The following SV2B variants were observed in gnomAD, a reference collection of about 807,000 sequenced individuals.
The protein encoded by SV2B is synaptic vesicle glycoprotein 2B.
Under a neutral mutation model 73.9 loss-of-function variants are expected in SV2B, and 41 were observed. The observed-to-expected ratio is 0.56, with a 90% confidence interval of 0.43 to 0.72. The LOEUF is 0.72. Among genes scored for constraint, SV2B ranks in the 30% least tolerant of loss-of-function variants. The pLI is 0.00. For missense variants in SV2B, 764 were observed against 857.8 expected (o/e 0.89, Z 1.37); for synonymous variants, 314 against 314.2 (o/e 1.00, Z 0.01).
Position 91,232,142 on chromosome 15 carries a change from T to A in SV2B, c.451+5428T>A, listed in dbSNP as rs2046600871. The stretch of plus-strand genomic sequence containing the variant: ...AGCCACTCTGTGTCTCAGAAGGGGG[T>A]GGCATGGAGGGGGGTCACTTCTGTG... On this transcript the variant is annotated intron_variant, in intron 2 of 12. Coordinates refer to ENST00000394232, the MANE Select transcript of SV2B (RefSeq NM_001323032.3). The surrounding 1 kb of genome is among the most constrained non-coding windows in gnomAD (Gnocchi z 4.7). 2.0e-5 allele frequency among the ~76,000 whole-genome samples: 3 copies of A among 152,032 alleles called. No homozygotes were observed. In the South Asian group the frequency reaches 6.2e-4, roughly 32 times the overall value.
In SV2B at chr15:91,296,160, C is replaced by T. The variant is rs933981931; in HGVS notation, c.*3608C>T. The T allele has an allele frequency of 6.6e-6, 1 of 151,950 alleles. No homozygotes were observed. Among genetic ancestry groups the T allele is most frequent in the African/African-American group, 2.4e-5 (1 of 41,330 alleles). 9.4% of individuals were successfully genotyped at this position (151,950 alleles called of 1,614,324 possible). A position where few individuals can be genotyped will look rare whatever the true frequency, so the allele number is the denominator to read the frequency against. On this transcript the variant is annotated 3_prime_UTR_variant, in exon 13 of 13. Coordinates refer to ENST00000394232, the MANE Select transcript of SV2B (RefSeq NM_001323032.3). ...CTAATCAGTTTTACAGAAAGGGTTACATGGAAGAAGAGATAGGGGCCAGGA... is the reference window on the plus strand; with the variant it reads ...CTAATCAGTTTTACAGAAAGGGTTATATGGAAGAAGAGATAGGGGCCAGGA...
In SV2B at chr15:91,252,764, C is replaced by A. The variant is rs981561833; in HGVS notation, c.784+244C>A. On this transcript the variant is annotated intron_variant, in intron 4 of 12. Transcript: ENST00000394232. The surrounding 1 kb of genome is among the most constrained non-coding windows in gnomAD (Gnocchi z 4.6). ...CTTCCCTTCCTTCATTCTTCCCTTT[C>A]TCCTTCCCTCTCTCCCTTTCTTGTT... is the stretch of plus-strand genomic sequence containing the variant. 6.6e-5 allele frequency among the ~76,000 whole-genome samples: 10 copies of A among 152,002 alleles called. No individual in the cohort carries two copies. Among genetic ancestry groups the A allele is most frequent in the African/African-American group, 2.4e-4 (10 of 41,360 alleles).
intron 1 of SV2B, among the ~76,000 whole-genome samples, chr15:91,182,749 A>G (rs959783504): frequency 9.2e-5 from 14 of 152,232 alleles, no homozygotes; most frequent in Non-Finnish European, 1.6e-4. Context: ...TAGGAACCTC[A>G]TCGAAATTTT....
At chr15:91,255,009 T>A (rs1274992870) in intron 4 of SV2B, among the ~76,000 whole-genome samples, 2 of 152,134 alleles carry the variant, frequency 1.3e-5, no homozygotes, top group Admixed American at 6.5e-5. Flanking sequence ...AGGGTTTAGA[T>A]CCACTTCCTT....
At chr15:91,149,201 G>C (rs1386297308) in intron 1 of SV2B, among the ~76,000 whole-genome samples, 2 of 152,196 alleles carry the variant, frequency 1.3e-5, no homozygotes, top group Non-Finnish European at 2.9e-5. Flanking sequence ...TCACGACCTG[G>C]CAGATGGGCT....
intron 1 of SV2B, among the ~76,000 whole-genome samples, chr15:91,203,115 G>A (rs2045517803): frequency 6.6e-6 from 1 of 152,210 alleles, no homozygotes. Context: ...AGTGAGTCTA[G>A]TGCCCATTGA....
intron 2 of SV2B, among the ~76,000 whole-genome samples, chr15:91,244,543 C>G (rs946042228): frequency 6.6e-6 from 1 of 152,200 alleles, no homozygotes; most frequent in African/African-American, 2.4e-5. Flanking sequence ...TCCAAGCGTC[C>G]AGATGCCACA....
At chr15:91,149,921 G>C (rs930402554) in intron 1 of SV2B, among the ~76,000 whole-genome samples, 1 of 152,212 alleles carries the variant, frequency 6.6e-6, no homozygotes, top group African/African-American at 2.4e-5. Flanking sequence ...GTCCAGGCCA[G>C]TGGCAGAAAG....
intron 1 of SV2B, among the ~76,000 whole-genome samples, chr15:91,157,002 T>A (rs933714910): frequency 5.9e-5 from 9 of 152,278 alleles, no homozygotes; most frequent in Non-Finnish European, 1.2e-4. Context: ...TGCCCAGGGC[T>A]CTCTATAGCT....
chr15:91,216,321 G>A (rs963830023), intron 1 of SV2B, among the ~76,000 whole-genome samples: 2 of 152,114 alleles, frequency 1.3e-5, no homozygotes, highest in African/African-American at 2.4e-5. Context: ...GCAGTCAGTC[G>A]GTAGAACCAC....
intron 1 of SV2B, among the ~76,000 whole-genome samples, chr15:91,173,733 A>C (rs1374190719): frequency 6.6e-6 from 1 of 152,200 alleles, no homozygotes; most frequent in East Asian, 1.9e-4. Flanking sequence ...CCACAGAAGA[A>C]ATGCAGGAAA....
At chr15:91,133,115 A>G (rs1169421558) in intron 1 of SV2B, among the ~76,000 whole-genome samples, 1 of 152,222 alleles carries the variant, frequency 6.6e-6, no homozygotes, top group Non-Finnish European at 1.5e-5. Context: ...AGAGACTTCA[A>G]TATGATCACA....
At chr15:91,207,418 T>G (rs2045684798) in intron 1 of SV2B, among the ~76,000 whole-genome samples, 1 of 152,116 alleles carries the variant, frequency 6.6e-6, no homozygotes, top group African/African-American at 2.4e-5. Flanking sequence ...AAAAACTGGC[T>G]CAGGAAGGAC....
intron 1 of SV2B, among the ~76,000 whole-genome samples, chr15:91,221,693 G>GCGCGCGTGCACA (rs370290337): frequency 4.3e-5 from 6 of 140,068 alleles, no homozygotes; most frequent in African/African-American, 1.7e-4. Context: ...AAGCATGTGC[G>GCGCGCGTGCACA]CACACACACA....
rs926300149 is a variant in SV2B, at chr15:91,105,543, G to T, written c.-392+5180G>T. On this transcript the variant is annotated intron_variant, in intron 1 of 12. Transcript: ENST00000394232. The surrounding 1 kb of genome is among the most constrained non-coding windows in gnomAD (Gnocchi z 5.5). ...AGGGAGCCAGCTAATAGAAGGTCCTGTAGGGCCTTGTGTAGACTTTAGCCT... is the reference window on the plus strand; with the variant it reads ...AGGGAGCCAGCTAATAGAAGGTCCTTTAGGGCCTTGTGTAGACTTTAGCCT... Among the ~76,000 whole-genome samples the T allele has an allele frequency of 3.9e-5, 6 of 152,228 alleles. No individual in the cohort carries two copies. Among genetic ancestry groups the T allele is most frequent in the African/African-American group, 1.4e-4 (6 of 41,470 alleles).
intron 1 of SV2B, among the ~76,000 whole-genome samples, chr15:91,173,232 T>C (rs2044185390): frequency 6.6e-6 from 1 of 151,990 alleles, no homozygotes; most frequent in Non-Finnish European, 1.5e-5. Flanking sequence ...GAGCGCGGTG[T>C]GTCTGAACAG....
chr15:91,135,527 T>G (rs1292570422), intron 1 of SV2B, among the ~76,000 whole-genome samples: 1 of 152,208 alleles, frequency 6.6e-6, no homozygotes, highest in East Asian at 1.9e-4. Flanking sequence ...CAAGAAAATT[T>G]TCTTTCATGG....
At position 91,110,017 on chromosome 15, in the gene SV2B, A is replaced by G. The variant is rs1256548730; in HGVS notation, c.-392+9654A>G. Among the ~76,000 whole-genome samples the G allele has an allele frequency of 6.6e-6, 1 of 152,188 alleles. No individual in the cohort carries two copies. The highest frequency in any genetic ancestry group is 2.4e-5 in the African/African-American group (1 of 41,452). ...TGGGATTACAGGCATGAACCACTGCATCCACCTCGGAAATAGCTTATTTGG... is the reference window on the plus strand; with the variant it reads ...TGGGATTACAGGCATGAACCACTGCGTCCACCTCGGAAATAGCTTATTTGG... On this transcript the variant is annotated intron_variant, in intron 1 of 12. Coordinates refer to ENST00000394232, the MANE Select transcript of SV2B (RefSeq NM_001323032.3). The surrounding 1 kb of genome is among the most constrained non-coding windows in gnomAD (Gnocchi z 5.4).
Position 91,122,070 on chromosome 15 carries a change from G to A in SV2B, c.-392+21707G>A, listed in dbSNP as rs550948579. ...ATTACAGGCGTGAGCCACTGCGCCCGGCCCAATGGTGTTTTAAAAGTAATG... is the reference window on the plus strand; with the variant it reads ...ATTACAGGCGTGAGCCACTGCGCCCAGCCCAATGGTGTTTTAAAAGTAATG... On this transcript the variant is annotated intron_variant, in intron 1 of 12. Coordinates refer to ENST00000394232, the MANE Select transcript of SV2B (RefSeq NM_001323032.3). The surrounding 1 kb of genome is among the most constrained non-coding windows in gnomAD (Gnocchi z 4.3). 1.7e-3 allele frequency among the ~76,000 whole-genome samples: 259 copies of A among 152,208 alleles called. 2 individuals carry two copies. The highest frequency in any genetic ancestry group is 7.7e-4 in the East Asian group (4 of 5,168).
Sources: gnomAD v4.1 joint callset for allele counts (sites outside exome capture counted in the v4.1 genomes callset) on GRCh38, gnomAD v4.1.1 for gene constraint, Gnocchi (gnomAD v3.1) non-coding constraint, MANE v1.5 for transcripts, NCBI Gene and HGNC (gene_info 2026-07-23, HGNC 2026-07-21) for gene names.